Variants in TTLL11 observed in about 807,000 individuals in gnomAD.
TTLL11 encodes tubulin polyglutamylase TTLL11.
TTLL11 carries 42 observed loss-of-function variants against 51.7 expected under a neutral mutation model. That is an observed-to-expected ratio of 0.81 (90% CI 0.64 to 1.05). The LOEUF (loss-of-function observed/expected upper bound fraction) is 1.05, where lower values mean the gene tolerates loss of function less well. Among genes scored for constraint, TTLL11 ranks in the 50% least tolerant of loss-of-function variants. The probability of loss-of-function intolerance (pLI) is 0.00; values close to 1 mark genes in which losing one functional copy is unlikely to be tolerated. For missense variants in TTLL11, 799 were observed against 940.4 expected (o/e 0.85, Z 1.97); for synonymous variants, 381 against 383.5 (o/e 0.99, Z 0.08).
chr9:121,942,098 C>T (rs578168784), intron 6 of TTLL11, among the ~76,000 whole-genome samples: 1 of 152,316 alleles, frequency 6.6e-6, no homozygotes, highest in South Asian at 2.1e-4. Context: ...CAAATCTATA[C>T]TCTTACTCCA....
chr9:122,072,708 C>T (rs1845759379), intron 1 of TTLL11, among the ~76,000 whole-genome samples: 1 of 152,120 alleles, frequency 6.6e-6, no homozygotes, highest in African/African-American at 2.4e-5. Flanking sequence ...TGCCACAATC[C>T]ATGCTGAGCC....
At chr9:121,919,888 A>G (rs139495025) in intron 6 of TTLL11, among the ~76,000 whole-genome samples, 1 of 151,852 alleles carries the variant, frequency 6.6e-6, no homozygotes, top group African/African-American at 2.4e-5. Flanking sequence ...TCCTAATATT[A>G]ACACTAACAG....
intron 6 of TTLL11, among the ~76,000 whole-genome samples, chr9:121,915,409 A>G (rs1270741530): frequency 2.0e-5 from 3 of 152,224 alleles, no homozygotes; most frequent in African/African-American, 4.8e-5. Context: ...ATTTGCCAGC[A>G]GACAGGACAC....
In TTLL11 at chr9:121,853,433, G is replaced by C. The variant is rs1299504297; in HGVS notation, c.1840+6904C>G. Among the ~76,000 whole-genome samples the C allele has an allele frequency of 6.6e-6, 1 of 151,046 alleles. No individual in the cohort carries two copies. Among genetic ancestry groups the C allele is most frequent in the Non-Finnish European group, 1.5e-5 (1 of 67,766 alleles). On this transcript the variant is annotated intron_variant, in intron 8 of 8. Coordinates refer to ENST00000321582, the MANE Select transcript of TTLL11 (RefSeq NM_001139442.2). The surrounding 1 kb of genome is among the most constrained non-coding windows in gnomAD (Gnocchi z 5.6). ...CTCTGTGAGGGAGGGGACCTGGGGG[G>C]TGGTGGTGAGCAAGGAGAGGGGGTT...
chr9:122,070,917 G>T (rs1043674320), intron 1 of TTLL11, among the ~76,000 whole-genome samples: 19 of 152,126 alleles, frequency 1.2e-4, no homozygotes, highest in African/African-American at 4.3e-4. Context: ...GAGAGGACAG[G>T]CTCCATAGGA....
intron 3 of TTLL11, among the ~76,000 whole-genome samples, chr9:122,001,254 C>T (rs1199110855): frequency 6.6e-6 from 1 of 152,144 alleles, no homozygotes; most frequent in Admixed American, 6.5e-5. Context: ...CACCAACACA[C>T]CTGGCCAATT....
At chr9:122,047,404 C>G (rs1265028851) in intron 1 of TTLL11, among the ~76,000 whole-genome samples, 1 of 152,032 alleles carries the variant, frequency 6.6e-6, no homozygotes, top group Non-Finnish European at 1.5e-5. Context: ...AAGGCAAAGC[C>G]TGATGGAGGG....
At chr9:121,880,137 T>C (rs1036273697) in intron 6 of TTLL11, among the ~76,000 whole-genome samples, 3 of 152,170 alleles carry the variant, frequency 2.0e-5, no homozygotes, top group African/African-American at 7.2e-5. Flanking sequence ...CAGAGCCCCC[T>C]TTAAAGCTAC....
intron 6 of TTLL11, 38 bp downstream of exon 6, chr9:121,973,971 A>C (rs1220023831): frequency 6.7e-7 from 1 of 1,490,660 alleles, no homozygotes; most frequent in African/African-American, 1.4e-5. Context: ...GTTAGGAGGC[A>C]GAGTTGATAG....
In TTLL11 at chr9:122,039,482, T is replaced by C. The variant is rs377679304; in HGVS notation, c.463-114A>G. On this transcript the variant is annotated intron_variant, in intron 1 of 8. Transcript: ENST00000321582. ...GGTGTACTTACCATGGTTTAATCCT[T>C]ATAATACGCATATGAGGTAAGTGAT... 59 of 715,482 alleles carry C rather than the reference T, an allele frequency of 8.2e-5. 1 individual carries two copies. The highest frequency in any genetic ancestry group is 3.2e-4 in the East Asian group (12 of 37,086). 44.3% of individuals were successfully genotyped at this position (715,482 alleles called of 1,614,324 possible). A position where few individuals can be genotyped will look rare whatever the true frequency, so the allele number is the denominator to read the frequency against.
At chr9:122,084,979 G>C (rs970623983) in intron 1 of TTLL11, among the ~76,000 whole-genome samples, 4 of 152,192 alleles carry the variant, frequency 2.6e-5, no homozygotes, top group Non-Finnish European at 5.9e-5. Flanking sequence ...TATGAGACAG[G>C]CCAGGCGCGG....
At chr9:122,002,063 C>T (rs181773828) in intron 3 of TTLL11, among the ~76,000 whole-genome samples, 1 of 152,196 alleles carries the variant, frequency 6.6e-6, no homozygotes, top group South Asian at 2.1e-4. Flanking sequence ...TTCCTTAAAT[C>T]AACACTGCCT....
intron 1 of TTLL11, among the ~76,000 whole-genome samples, chr9:122,044,148 G>T (rs1390585001): frequency 2.6e-5 from 4 of 152,098 alleles, no homozygotes; most frequent in Admixed American, 6.5e-5. Flanking sequence ...TGAGAATGAT[G>T]GTTTCCAGCT....
In TTLL11 at chr9:121,989,105, C is replaced by T. The variant is rs770335509; in HGVS notation, c.1269+90G>A. ...ACACTGTCCCCTCCTCTGGCCATCCCACCCCGATCACTCATCCTACACGAA... is the reference window on the plus strand; with the variant it reads ...ACACTGTCCCCTCCTCTGGCCATCCTACCCCGATCACTCATCCTACACGAA... On this transcript the variant is annotated intron_variant, in intron 4 of 8. Transcript: ENST00000321582. This position sits in a 1 kb window ranked among gnomAD's most constrained non-coding sequence, Gnocchi z 4.2. The T allele has an allele frequency of 1.3e-6, 2 of 1,555,018 alleles. No homozygotes were observed. Among genetic ancestry groups the T allele is most frequent in the African/African-American group, 1.4e-5 (1 of 73,570 alleles).
intron 6 of TTLL11, among the ~76,000 whole-genome samples, chr9:121,908,684 A>C (rs1293224439): frequency 1.3e-5 from 2 of 152,262 alleles, no homozygotes; most frequent in African/African-American, 4.8e-5. Context: ...TTATGAGAAC[A>C]GACATGCAGA....
chr9:121,931,274 C>T (rs1212570802), intron 6 of TTLL11, among the ~76,000 whole-genome samples: 3 of 152,224 alleles, frequency 2.0e-5, no homozygotes, highest in Non-Finnish European at 4.4e-5. Context: ...ACCCTACGTC[C>T]TCAGAGCCCC....
At chr9:121,883,397 A>G (rs571797420) in intron 6 of TTLL11, among the ~76,000 whole-genome samples, 11 of 152,264 alleles carry the variant, frequency 7.2e-5, no homozygotes, top group African/African-American at 1.9e-4. Flanking sequence ...GACTCCTTTG[A>G]CATATATTTA....
At chr9:121,876,296 G>A (rs944035752) in intron 6 of TTLL11, among the ~76,000 whole-genome samples, 30 of 152,198 alleles carry the variant, frequency 2.0e-4, no homozygotes, top group East Asian at 3.8e-4. Context: ...ATCTAGCAAG[G>A]TCAAATTCTA....
Position 122,092,873 on chromosome 9 carries a change from C to G in TTLL11, c.276G>C (p.Lys92Asn). ...QRPPPTLPPS[K>N]PKPVQGLCPH... The stretch of plus-strand genomic sequence containing the variant: ...GGCAGAGGCCCTGCACCGGCTTCGG[C>G]TTGGACGGGGGCAGCGTGGGCGGCG... The change falls in exon 1 of 9, where the codon AAG becomes AAC. Residue 92 changes from lysine (K) to asparagine (N), a missense_variant. Lys to Asn is a moderately conservative substitution (Grantham distance 94). Transcript: ENST00000321582. 1 of 1,572,984 alleles carries G rather than the reference C, an allele frequency of 6.4e-7. No homozygotes were observed. The highest frequency in any genetic ancestry group is 8.6e-7 in the Non-Finnish European group (1 of 1,166,868).
Sources: gnomAD v4.1 joint callset for allele counts (sites outside exome capture counted in the v4.1 genomes callset) on GRCh38, gnomAD v4.1.1 for gene constraint, Gnocchi (gnomAD v3.1) non-coding constraint, MANE v1.5 for transcripts, NCBI Gene and HGNC (gene_info 2026-07-23, HGNC 2026-07-21) for gene names.